Variants in SLC38A10 observed in about 807,000 individuals in gnomAD.
The protein encoded by SLC38A10 is solute carrier family 38 member 10.
In SLC38A10, 53 loss-of-function variants were observed where a neutral mutation model predicts 81.0. The ratio of observed to expected loss-of-function variants is 0.65; its 90% CI spans 0.53 to 0.82. The LOEUF (loss-of-function observed/expected upper bound fraction) is 0.82. Among genes scored for constraint, SLC38A10 ranks in the 40% least tolerant of loss-of-function variants. The pLI, the probability that SLC38A10 is intolerant of heterozygous loss-of-function variation, is 0.00. For synonymous variants in SLC38A10, 665 were observed against 655.3 expected, an observed-to-expected ratio of 1.01 and a Z score of -0.23; for missense variants, 1,471 against 1,545.0, an observed-to-expected ratio of 0.95 and a Z score of 0.80.
intron 10 of SLC38A10, among the ~76,000 whole-genome samples, chr17:81,267,504 C>T (rs920731817): frequency 6.6e-6 from 1 of 151,286 alleles, no homozygotes; most frequent in Non-Finnish European, 1.5e-5. Flanking sequence ...TCTTTCTTTC[C>T]TTCTTTCTCC....
Position 81,276,913 on chromosome 17 carries a change from G to C in SLC38A10, c.729+118C>G. 1 of 1,010,872 alleles carries C rather than the reference G, an allele frequency of 9.9e-7. No homozygotes were observed. Among genetic ancestry groups the C allele is most frequent in the East Asian group, 2.5e-5 (1 of 39,714 alleles). 62.6% of individuals were successfully genotyped at this position (1,010,872 alleles called of 1,614,324 possible). A position where few individuals can be genotyped will look rare whatever the true frequency, so the allele number is the denominator to read the frequency against. On this transcript the variant is annotated intron_variant, in intron 7 of 15. Transcript: ENST00000374759. This position sits in a 1 kb window ranked among gnomAD's most constrained non-coding sequence, Gnocchi z 4.7. ...GCCTCCAGACACTGGGATGGGAACA[G>C]AGAGAAAAACCCAGCAGCACACAGG...
intron 4 of SLC38A10, among the ~76,000 whole-genome samples, chr17:81,282,878 G>A (rs932848044): frequency 6.6e-6 from 1 of 152,174 alleles, no homozygotes; most frequent in Non-Finnish European, 1.5e-5. Context: ...GCCTTTCTAC[G>A]CTGTTAGCAC....
Position 81,276,223 on chromosome 17 carries a change from G to A in SLC38A10, c.730-72C>T, listed in dbSNP as rs558194868. 13 of 1,418,520 alleles carry A rather than the reference G, an allele frequency of 9.2e-6. No homozygotes were observed. The East Asian group carries it at 3.3e-4, about 36-fold the overall frequency. 87.9% of individuals were successfully genotyped at this position (1,418,520 alleles called of 1,614,324 possible). ...CGAGTGGCACCTGTCACAGTGGGCA[G>A]GGCATGGGGGGGACCTGTGCCCTGC... On this transcript the variant is annotated intron_variant, in intron 7 of 15. Coordinates refer to ENST00000374759, the MANE Select transcript of SLC38A10 (RefSeq NM_001037984.3). The surrounding 1 kb of genome is among the most constrained non-coding windows in gnomAD (Gnocchi z 4.7).
rs758109242 is a variant in SLC38A10, at chr17:81,245,924, G to A, written c.2992C>T (p.His998Tyr). Residue 998 changes from histidine (H) to tyrosine (Y), a missense_variant, in exon 16 of 16, where the codon CAC (histidine) becomes TAC (tyrosine). By Grantham distance (83) the His-to-Tyr change is moderately conservative. Transcript: ENST00000374759. ...TCCTCCCCGCCTCTCGGCTGCTCGT[G>A]GGACACAGGCACATGGTCCCCCCCG... ...ARGGDHVPVS[H>Y]EQPRGGEDAA... The A allele has an allele frequency of 8.1e-6, 13 of 1,610,998 alleles. No homozygotes were observed. The highest frequency in any genetic ancestry group is 4.0e-5 in the African/African-American group (3 of 74,908).
At position 81,270,817 on chromosome 17, in the gene SLC38A10, C is replaced by T. The variant is rs760183772; in HGVS notation, c.1131+101G>A. 9.4e-5 allele frequency: 89 copies of T among 944,594 alleles called. No individual in the cohort carries two copies. The highest frequency in any genetic ancestry group is 1.2e-4 in the Non-Finnish European group (75 of 610,988). 58.5% of individuals were successfully genotyped at this position (944,594 alleles called of 1,614,324 possible). A position where few individuals can be genotyped will look rare whatever the true frequency, so the allele number is the denominator to read the frequency against. ...GTGGGTTTTAAGTTTCTTGATAGAACCCATCTGAAAACGCTGAACCAGGGG... is the reference window on the plus strand; with the variant it reads ...GTGGGTTTTAAGTTTCTTGATAGAATCCATCTGAAAACGCTGAACCAGGGG... On this transcript the variant is annotated intron_variant, in intron 10 of 15. Transcript: ENST00000374759. The surrounding 1 kb of genome is among the most constrained non-coding windows in gnomAD (Gnocchi z 4.0).
chr17:81,248,847 C>A (rs906608775), intron 14 of SLC38A10, among the ~76,000 whole-genome samples: 2 of 152,178 alleles, frequency 1.3e-5, no homozygotes, highest in Non-Finnish European at 2.9e-5. Flanking sequence ...GCCATGGGGC[C>A]GGCCCTCAAG....
At chr17:81,251,926 C>G (rs930320356) in intron 13 of SLC38A10, 2 of 546,916 alleles carry the variant, frequency 3.7e-6, no homozygotes, top group Non-Finnish European at 3.0e-6. Context: ...CGCGCCGCCC[C>G]CCGTGTGCGC....
Position 81,246,488 on chromosome 17 carries a change from C to A in SLC38A10, c.2428G>T (p.Val810Leu). ...QRSLEHSEGP[V>L]GRDPAGPPDG... ...GGAGGGCCAGCAGGGTCTCTGCCCA[C>A]AGGCCCCTCAGAGTGCTCCAGGGAG... is the stretch of plus-strand genomic sequence containing the variant. Residue 810 changes from valine (V) to leucine (L), a missense_variant, in exon 16 of 16, where the codon GTG becomes TTG. Coordinates refer to ENST00000374759, the MANE Select transcript of SLC38A10 (RefSeq NM_001037984.3). 1 of 1,554,176 alleles carries A rather than the reference C, an allele frequency of 6.4e-7. No homozygotes were observed. Among genetic ancestry groups the A allele is most frequent in the Non-Finnish European group, 8.7e-7 (1 of 1,152,820 alleles).
intron 10 of SLC38A10, among the ~76,000 whole-genome samples, chr17:81,268,254 T>C (rs979157388): frequency 2.0e-5 from 3 of 152,080 alleles, no homozygotes; most frequent in Non-Finnish European, 2.9e-5. Context: ...CCCTGTATGA[T>C]GGATGAATGA....
At chr17:81,284,748 T>G in intron 3 of SLC38A10, 102 bp downstream of exon 3, 1 of 916,334 alleles carries the variant, frequency 1.1e-6, no homozygotes, top group Non-Finnish European at 1.6e-6. Flanking sequence ...GAAACCTAAG[T>G]TACAGGTGAA....
intron 1 of SLC38A10, among the ~76,000 whole-genome samples, chr17:81,293,005 A>G (rs1794281054): frequency 6.6e-6 from 1 of 152,128 alleles, no homozygotes; most frequent in African/African-American, 2.4e-5. Flanking sequence ...TAAATAAATA[A>G]ATAAATAAAT....
intron 8 of SLC38A10, among the ~76,000 whole-genome samples, chr17:81,274,279 T>C (rs558764598): frequency 6.6e-6 from 1 of 152,328 alleles, no homozygotes; most frequent in East Asian, 1.9e-4. Context: ...TCTTTGGTGC[T>C]TGGCCTCTGC....
chr17:81,246,558 T>C lies in SLC38A10; in HGVS notation c.2358A>G (p.Arg786=). Residue 786 remains arginine, a synonymous_variant, in exon 16 of 16, where the codon AGA becomes AGG. Transcript: ENST00000374759. ...ATGGAGCAGGGCGGCCCCCAGGAGC[T>C]CTGAGGACAGGGTCCAAAGGCAGGG... The part of the protein sequence containing the change: ...LPPLPLDPVL[R]APGGRPAPSQ... 1 of 1,515,480 alleles carries C rather than the reference T, an allele frequency of 6.6e-7. No individual in the cohort carries two copies. Among genetic ancestry groups the C allele is most frequent in the East Asian group, 2.3e-5 (1 of 43,508 alleles). The allele number at this position is 1,515,480 out of a possible 1,614,324, so 93.9% of individuals were successfully genotyped here.
chr17:81,255,189 A>G (rs1205855823), intron 11 of SLC38A10, among the ~76,000 whole-genome samples: 2 of 152,244 alleles, frequency 1.3e-5, no homozygotes, highest in African/African-American at 4.8e-5. Flanking sequence ...TTGCACGGGC[A>G]CCTGCAGGAA....
intron 2 of SLC38A10, among the ~76,000 whole-genome samples, chr17:81,287,080 G>A (rs1187189362): frequency 1.3e-5 from 2 of 151,898 alleles, no homozygotes; most frequent in Admixed American, 6.6e-5. Context: ...AGAAGGTGAC[G>A]AAAACGACAA....
At chr17:81,267,219 T>C (rs1270484204) in intron 10 of SLC38A10, among the ~76,000 whole-genome samples, 5 of 152,222 alleles carry the variant, frequency 3.3e-5, no homozygotes, top group African/African-American at 9.6e-5. Flanking sequence ...CAATAAATCA[T>C]GTCTGACGAC....
chr17:81,254,737 C>T (rs867419928), intron 11 of SLC38A10, among the ~76,000 whole-genome samples: 2 of 152,230 alleles, frequency 1.3e-5, no homozygotes, highest in South Asian at 2.1e-4. Flanking sequence ...TGAGCCACCG[C>T]GCCTGGCCCA....
At chr17:81,251,137 C>T (rs1598378952) in intron 14 of SLC38A10, 12 of 1,515,170 alleles carry the variant, frequency 7.9e-6, no homozygotes, top group East Asian at 6.9e-5. Context: ...TTAAATACTC[C>T]GAGTGTTAAA....
At chr17:81,251,728 G>T in intron 13 of SLC38A10, 116 bp from the exon 14 acceptor site, 1 of 1,143,384 alleles carries the variant, frequency 8.7e-7, no homozygotes, top group Non-Finnish European at 1.2e-6. Flanking sequence ...TTTCTAAAGT[G>T]ACACCCCCGT....
Sources: allele counts gnomAD v4.1 joint callset (sites outside exome capture counted in the v4.1 genomes callset), GRCh38; gene constraint gnomAD v4.1.1; non-coding constraint Gnocchi (gnomAD v3.1); transcripts MANE v1.5; gene names NCBI Gene and HGNC (gene_info 2026-07-23, HGNC 2026-07-21).